PNLIPRP3: variants seen among roughly 807,000 people sequenced by gnomAD.
The protein encoded by PNLIPRP3 is pancreatic lipase related protein 3, also known as pancreatic lipase-related protein 3.
A neutral mutation model predicts 52.8 loss-of-function variants in PNLIPRP3; 58 were observed. That is an observed-to-expected ratio of 1.10 (90% CI 0.89 to 1.37). The LOEUF is 1.37. PNLIPRP3 is among the 40% of genes most tolerant of loss of function. The pLI, the probability that PNLIPRP3 is intolerant of heterozygous loss-of-function variation, is 0.00. For missense variants in PNLIPRP3, 593 were observed against 561.6 expected, an observed-to-expected ratio of 1.06 and a Z score of -0.57; for synonymous variants, 192 against 185.0, an observed-to-expected ratio of 1.04 and a Z score of -0.31.
intron 4 of PNLIPRP3, among the ~76,000 whole-genome samples, chr10:116,444,994 T>C (rs926948938): frequency 2.0e-5 from 3 of 152,236 alleles, no homozygotes; most frequent in Non-Finnish European, 4.4e-5. Flanking sequence ...GACCTTGCTA[T>C]TTATTAGGCC....
intron 1 of PNLIPRP3, among the ~76,000 whole-genome samples, chr10:116,428,509 T>C: frequency 6.6e-6 from 1 of 152,194 alleles, no homozygotes; most frequent in East Asian, 1.9e-4. Context: ...AGATACTCAA[T>C]AATTGAATGA....
chr10:116,476,711 G>A lies in PNLIPRP3; in HGVS notation c.1232G>A (p.Gly411Glu), dbSNP rs147980781. ...TTAATCGATGCAGATGTTAACGTTG[G>A]AAACATTACAAGTGTTCAGTTCATC... ...TKLIDADVNV[G>E]NITSVQFIWK... Residue 411 changes from glycine to glutamate, a missense_variant, in exon 11 of 12, where the codon GGA (glycine) becomes GAA (glutamate). Coordinates refer to ENST00000369230, the MANE Select transcript of PNLIPRP3 (RefSeq NM_001011709.3). The A allele has an allele frequency of 6.2e-7, 1 of 1,604,896 alleles. No homozygotes were observed. The highest frequency in any genetic ancestry group is 8.5e-7 in the Non-Finnish European group (1 of 1,177,004).
Position 116,469,218 on chromosome 10 carries a change from C to A in PNLIPRP3, c.961C>A (p.Pro321Thr), listed in dbSNP as rs1334021707. 5.0e-6 allele frequency: 8 copies of A among 1,611,838 alleles called. No individual in the cohort carries two copies. Among genetic ancestry groups the A allele is most frequent in the Non-Finnish European group, 6.8e-6 (8 of 1,179,340 alleles). ...CTTCTTTTGTTCCAAAGAAGGTTGC[C>A]CAACAATGGGTCATTTTGCTGATAG... The part of the protein sequence containing the change: ...NCFFCSKEGC[P>T]TMGHFADRFH... Residue 321 changes from proline to threonine, a missense_variant, in exon 9 of 12, where the codon CCA becomes ACA. By Grantham distance (38) the Pro-to-Thr change is conservative. Transcript: ENST00000369230.
At chr10:116,442,251 A>G (rs1337101140) in intron 2 of PNLIPRP3, among the ~76,000 whole-genome samples, 1 of 152,220 alleles carries the variant, frequency 6.6e-6, no homozygotes, top group East Asian at 1.9e-4. Context: ...ATCCAACAAA[A>G]TACAAGAAAT....
chr10:116,440,720 G>A (rs879480549), intron 2 of PNLIPRP3, among the ~76,000 whole-genome samples: 1 of 152,132 alleles, frequency 6.6e-6, no homozygotes, highest in Non-Finnish European at 1.5e-5. Flanking sequence ...CTTTCTGTAA[G>A]AATAAAACCA....
At position 116,476,829 on chromosome 10, in the gene PNLIPRP3, G is replaced by A. The variant is rs758703887; in HGVS notation, c.1340+10G>A. On this transcript the variant is annotated intron_variant, in intron 11 of 11. Coordinates refer to ENST00000369230, the MANE Select transcript of PNLIPRP3 (RefSeq NM_001011709.3). ...GGAAATATGGATATAAGTAAGTATT[G>A]CTTTTTCCTTTTCATTTTCGTAGTT... 6.4e-7 allele frequency: 1 copy of A among 1,562,538 alleles called. No individual in the cohort carries two copies.
chr10:116,444,308 G>T, intron 3 of PNLIPRP3, 74 bp from the exon 4 acceptor site: 1 of 1,278,838 alleles, frequency 7.8e-7, no homozygotes. Flanking sequence ...TTCTTATTAT[G>T]GAATCAAGTG....
intron 3 of PNLIPRP3, among the ~76,000 whole-genome samples, 162 bp downstream of exon 3, chr10:116,443,336 A>G (rs1260620423): frequency 6.6e-6 from 1 of 152,050 alleles, no homozygotes; most frequent in Non-Finnish European, 1.5e-5. Context: ...TTTCCCATTT[A>G]TTTTTATTAT....
intron 4 of PNLIPRP3, among the ~76,000 whole-genome samples, chr10:116,452,182 A>T (rs1265644766): frequency 6.6e-6 from 1 of 152,218 alleles, no homozygotes; most frequent in Non-Finnish European, 1.5e-5. Flanking sequence ...TGAACTTAAG[A>T]GTAATGACTT....
intron 2 of PNLIPRP3, among the ~76,000 whole-genome samples, chr10:116,441,192 T>C (rs1019070948): frequency 6.6e-6 from 1 of 152,138 alleles, no homozygotes; most frequent in African/African-American, 2.4e-5. Flanking sequence ...TCTCTACCTA[T>C]TCTACTTGAT....
intron 1 of PNLIPRP3, 92 bp downstream of exon 1, chr10:116,428,153 A>AG: frequency 1.1e-6 from 1 of 902,434 alleles, no homozygotes; most frequent in Non-Finnish European, 1.7e-6. Flanking sequence ...TTTAGAAATT[A>AG]CTATTGCTAA....
chr10:116,473,617 G>A (rs1427763508), intron 10 of PNLIPRP3, among the ~76,000 whole-genome samples: 1 of 152,026 alleles, frequency 6.6e-6, no homozygotes, highest in East Asian at 1.9e-4. Context: ...CCCTTCCCGG[G>A]TTCAAGTGAT....
chr10:116,432,475 G>C (rs1431488), intron 1 of PNLIPRP3, among the ~76,000 whole-genome samples: 152,120 of 152,316 alleles, frequency 1, 75,964 homozygotes, highest in East Asian at 1. Context: ...ACTGAAGAAA[G>C]TGGAAAATAA....
chr10:116,438,287 G>A (rs1420315889), intron 2 of PNLIPRP3, among the ~76,000 whole-genome samples: 2 of 152,170 alleles, frequency 1.3e-5, no homozygotes, highest in East Asian at 1.9e-4. Context: ...ACTAGGAGTG[G>A]TTGGAGGATC....
At chr10:116,429,217 A>T (rs1452138395) in intron 1 of PNLIPRP3, among the ~76,000 whole-genome samples, 1 of 152,168 alleles carries the variant, frequency 6.6e-6, no homozygotes, top group East Asian at 1.9e-4. Flanking sequence ...ACTGTATAAA[A>T]TTACCTTTAG....
chr10:116,466,629 G>T (rs1846285582), intron 8 of PNLIPRP3, among the ~76,000 whole-genome samples: 1 of 133,450 alleles, frequency 7.5e-6, no homozygotes, highest in South Asian at 2.5e-4. Flanking sequence ...CAGAACTAAA[G>T]CATAGATAGC....
chr10:116,458,423 C>T (rs141670496), intron 5 of PNLIPRP3, among the ~76,000 whole-genome samples: 10 of 150,526 alleles, frequency 6.6e-5, no homozygotes, highest in East Asian at 2.0e-4. Context: ...TCAATGTTCC[C>T]TCTTCCTTAC....
intron 9 of PNLIPRP3, among the ~76,000 whole-genome samples, 199 bp downstream of exon 9, chr10:116,469,516 G>A (rs890477132): frequency 7.2e-5 from 11 of 152,176 alleles, no homozygotes; most frequent in South Asian, 2.1e-4. Context: ...CCAATCCTGC[G>A]TAATAAACTT....
chr10:116,458,373 T>C (rs1382633420), intron 5 of PNLIPRP3, among the ~76,000 whole-genome samples: 1 of 152,128 alleles, frequency 6.6e-6, no homozygotes, highest in Non-Finnish European at 1.5e-5. Flanking sequence ...TCTCTTCCCT[T>C]CTGTAGACTT....
Sources: allele counts gnomAD v4.1 joint callset (sites outside exome capture counted in the v4.1 genomes callset), GRCh38; gene constraint gnomAD v4.1.1; transcripts MANE v1.5; gene names NCBI Gene and HGNC (gene_info 2026-07-23, HGNC 2026-07-21).